The following SVIL variants were observed in gnomAD, a reference collection of about 807,000 sequenced individuals.
SVIL encodes supervillin.
A neutral mutation model predicts 240.4 loss-of-function variants in SVIL; 101 were observed. That is an observed-to-expected ratio of 0.42 (90% confidence interval 0.36 to 0.50). SVIL has a LOEUF of 0.50. SVIL is among the 20% of genes least tolerant of loss of function. The pLI, the probability that SVIL is intolerant of heterozygous loss-of-function variation, is 0.01. For missense variants in SVIL, 2,512 were observed against 2,818.7 expected, an observed-to-expected ratio of 0.89 and a Z score of 2.46; for synonymous variants, 999 against 1,100.0, an observed-to-expected ratio of 0.91 and a Z score of 1.82.
chr10:29,463,311 C>T (rs1474511346), intron 35 of SVIL, among the ~76,000 whole-genome samples, 181 bp downstream of exon 35: 1 of 152,212 alleles, frequency 6.6e-6, no homozygotes, highest in East Asian at 1.9e-4. Flanking sequence ...ATGCGCTAAT[C>T]TAAAACTTAA....
intron 1 of SVIL, among the ~76,000 whole-genome samples, chr10:29,701,234 A>C (rs12251648): frequency 3.3e-4 from 51 of 152,240 alleles, no homozygotes; most frequent in African/African-American, 1.2e-3. Flanking sequence ...GACCTGATTT[A>C]GTAGCACTAG....
intron 6 of SVIL, among the ~76,000 whole-genome samples, chr10:29,550,356 T>C (rs971345528): frequency 3.3e-5 from 5 of 151,378 alleles, no homozygotes; most frequent in African/African-American, 9.7e-5. Flanking sequence ...GCAGGAGGAT[T>C]GCTTGAGCCC....
chr10:29,488,601 C>T lies in SVIL; in HGVS notation c.4348G>A (p.Gly1450Arg). The T allele has an allele frequency of 6.3e-7, 1 of 1,592,386 alleles. No homozygotes were observed. Among genetic ancestry groups the T allele is most frequent in the Non-Finnish European group, 8.5e-7 (1 of 1,172,272 alleles). Reference sequence around the variant, plus strand: ...ACCGTGCCAGGCTGCTCTGAAATACCTTTAATCTGCAACAGCATCAGCCTC... The same window carrying T: ...ACCGTGCCAGGCTGCTCTGAAATACTTTTAATCTGCAACAGCATCAGCCTC... ...YKRLMLLQIK[G>R]RRHVQTRLVE... Residue 1450 changes from glycine to arginine, a missense_variant and splice_region_variant, in exon 23 of 38, where the codon GGA becomes AGA. Coordinates refer to ENST00000355867, the MANE Select transcript of SVIL (RefSeq NM_021738.3).
chr10:29,670,390 T>C (rs1959671694), intron 2 of SVIL, among the ~76,000 whole-genome samples: 1 of 152,186 alleles, frequency 6.6e-6, no homozygotes, highest in Admixed American at 6.5e-5. Context: ...AGATCAACAA[T>C]GCTTTGAAGA....
chr10:29,556,632 G>C (rs1053227387), intron 3 of SVIL, among the ~76,000 whole-genome samples: 1 of 152,172 alleles, frequency 6.6e-6, no homozygotes, highest in African/African-American at 2.4e-5. Context: ...CTCCCAGTTG[G>C]CCTCCCCAGG....
At chr10:29,577,826 T>G (rs1249115859) in intron 1 of SVIL, among the ~76,000 whole-genome samples, 6 of 152,228 alleles carry the variant, frequency 3.9e-5, no homozygotes, top group Admixed American at 2.0e-4. Flanking sequence ...CATTCATAAT[T>G]GTATCAAAAA....
In SVIL at chr10:29,480,519, C is replaced by T; in HGVS notation, c.5377+18G>A. The T allele has an allele frequency of 6.2e-7, 1 of 1,608,536 alleles. No homozygotes were observed. Among genetic ancestry groups the T allele is most frequent in the South Asian group, 1.1e-5 (1 of 90,934 alleles). On this transcript the variant is annotated intron_variant, in intron 29 of 37. Transcript: ENST00000355867. Reference sequence around the variant, plus strand: ...GCCAGCCTCTTTCAGCTGGAAAAAACCACAAGCGCTCACTAACCTGCCGTG... The same window carrying T: ...GCCAGCCTCTTTCAGCTGGAAAAAATCACAAGCGCTCACTAACCTGCCGTG...
At chr10:29,594,559 CTTTT>C (rs34870351) in intron 1 of SVIL, among the ~76,000 whole-genome samples, 1 of 140,590 alleles carries the variant, frequency 7.1e-6, no homozygotes. Flanking sequence ...AATTTTTTTT[CTTTT>C]TTTTTTTTTT....
intron 17 of SVIL, among the ~76,000 whole-genome samples, chr10:29,505,607 T>A (rs1460313098): frequency 6.6e-6 from 1 of 152,150 alleles, no homozygotes; most frequent in African/African-American, 2.4e-5. Context: ...TGGACATATG[T>A]CATTAAGTAT....
At chr10:29,546,960 C>G (rs776383090) in intron 6 of SVIL, among the ~76,000 whole-genome samples, 1 of 152,130 alleles carries the variant, frequency 6.6e-6, no homozygotes, top group African/African-American at 2.4e-5. Context: ...TTCATGGGTA[C>G]TATTTGTCTT....
chr10:29,525,691 C>T (rs1041871694), intron 13 of SVIL, among the ~76,000 whole-genome samples: 1 of 152,152 alleles, frequency 6.6e-6, no homozygotes, highest in Non-Finnish European at 1.5e-5. Context: ...GAAGTCTTCA[C>T]GGTCAATATG....
intron 2 of SVIL, among the ~76,000 whole-genome samples, chr10:29,662,585 A>G (rs1959171488): frequency 6.6e-6 from 1 of 152,182 alleles, no homozygotes; most frequent in African/African-American, 2.4e-5. Context: ...CCCCTCAGAT[A>G]GCTGCCTACC....
At position 29,457,953 on chromosome 10, in the gene SVIL, C is replaced by A; in HGVS notation, c.*294G>T. The A allele has an allele frequency of 4.6e-6, 1 of 215,720 alleles. No individual in the cohort carries two copies. The highest frequency in any genetic ancestry group is 9.0e-6 in the Non-Finnish European group (1 of 111,470). The allele number at this position is 215,720 out of a possible 1,614,324, so 13.4% of individuals were successfully genotyped here. A position where few individuals can be genotyped will look rare whatever the true frequency, so the allele number is the denominator to read the frequency against. On this transcript the variant is annotated 3_prime_UTR_variant, in exon 38 of 38. Coordinates refer to ENST00000355867, the MANE Select transcript of SVIL (RefSeq NM_021738.3). Reference sequence around the variant, plus strand: ...AAAAAAAAAAAAAGGCATTGCCTAGCTGGAACAAGAAGGCAGTGCTATCTA... The same window carrying A: ...AAAAAAAAAAAAAGGCATTGCCTAGATGGAACAAGAAGGCAGTGCTATCTA...
intron 1 of SVIL, among the ~76,000 whole-genome samples, chr10:29,728,183 T>C (rs1264446476): frequency 3.3e-5 from 5 of 152,122 alleles, no homozygotes; most frequent in African/African-American, 1.2e-4. Flanking sequence ...CTTCCAAGAT[T>C]TTCCAGAAAT....
intron 18 of SVIL, chr10:29,496,305 C>T: frequency 2.4e-6 from 1 of 416,832 alleles, no homozygotes. Flanking sequence ...GCCAGAACTG[C>T]AAAGGGTTTC....
At chr10:29,717,951 C>T (rs529061646) in intron 1 of SVIL, among the ~76,000 whole-genome samples, 2 of 152,060 alleles carry the variant, frequency 1.3e-5, no homozygotes, top group Non-Finnish European at 2.9e-5. Context: ...AAAAATGTCT[C>T]ATTAATATTT....
intron 30 of SVIL, 178 bp downstream of exon 30, chr10:29,473,660 G>T: frequency 1.4e-6 from 1 of 715,466 alleles, no homozygotes; most frequent in Non-Finnish European, 2.3e-6. Flanking sequence ...GTGGGAGGAG[G>T]AAAGAAATGG....
At chr10:29,509,333 GAGAGAGAGAGAGAGAGAGA>G (rs1949628610) in intron 17 of SVIL, among the ~76,000 whole-genome samples, 1 of 42,438 alleles carries the variant, frequency 2.4e-5, no homozygotes, top group African/African-American at 1.2e-4. Flanking sequence ...GGGGGAGGGA[GAGAGAGAGAGAGAGAGAGA>G]GAGAGAGAGA....
At chr10:29,498,088 C>CAAAAAAAAAAAAA (rs34280398) in intron 18 of SVIL, among the ~76,000 whole-genome samples, 2 of 37,480 alleles carry the variant, frequency 5.3e-5, no homozygotes, top group Non-Finnish European at 1.4e-4. Flanking sequence ...TCCCCTCCAC[C>CAAAAAAAAAAAAA]AAAAAAAAAA....
Sources: gnomAD v4.1 joint callset for allele counts (sites outside exome capture counted in the v4.1 genomes callset) on GRCh38, gnomAD v4.1.1 for gene constraint, MANE v1.5 for transcripts, NCBI Gene and HGNC (gene_info 2026-07-23, HGNC 2026-07-21) for gene names.